The following DZIP3 variants were observed in gnomAD, a reference collection of about 807,000 sequenced individuals.
The protein encoded by DZIP3 is E3 ubiquitin-protein ligase DZIP3.
In DZIP3, 118 loss-of-function variants were observed where a neutral mutation model predicts 162.0. The ratio of observed to expected loss-of-function variants is 0.73; its 90% CI spans 0.63 to 0.85. The LOEUF (loss-of-function observed/expected upper bound fraction) is 0.85, where lower values mean the gene tolerates loss of function less well. Among genes scored for constraint, DZIP3 ranks in the 40% least tolerant of loss-of-function variants. DZIP3 has a pLI of 0.00. For synonymous variants in DZIP3, 438 were observed against 458.6 expected (o/e 0.96, Z 0.57); for missense variants, 1,331 against 1,407.0 (o/e 0.95, Z 0.86).
chr3:108,667,707 T>G (rs1039701213), intron 21 of DZIP3, among the ~76,000 whole-genome samples: 2 of 152,150 alleles, frequency 1.3e-5, no homozygotes, highest in African/African-American at 4.8e-5. Context: ...TTTACAATTA[T>G]CTTGAAATAA....
At chr3:108,684,171 G>A in intron 26 of DZIP3, 45 bp from the exon 27 acceptor site, 1 of 1,531,852 alleles carries the variant, frequency 6.5e-7, no homozygotes, top group Non-Finnish European at 8.8e-7. Context: ...ATATAAATAT[G>A]TGGGGGGGGG....
At chr3:108,608,039 G>A in intron 2 of DZIP3, 50 bp from the exon 3 acceptor site, 2 of 1,452,100 alleles carry the variant, frequency 1.4e-6, no homozygotes, top group South Asian at 2.3e-5. Flanking sequence ...TACAATTTGT[G>A]TTCTTTGTGA....
rs1363093235 is a variant in DZIP3, at chr3:108,649,234, A to C, written c.2007+272A>C. On this transcript the variant is annotated intron_variant, in intron 17 of 32. Transcript: ENST00000361582. ...GAATTAGTCACATGGAAATTTCATT[A>C]ATTTCTACATACCACTTATTTTTAA... Among the ~76,000 whole-genome samples, 10 of 151,890 alleles carry C rather than the reference A, an allele frequency of 6.6e-5. No homozygotes were observed. In the East Asian group the frequency reaches 1.9e-3, roughly 29 times the overall value.
intron 1 of DZIP3, among the ~76,000 whole-genome samples, chr3:108,591,270 C>T (rs1378768044): frequency 6.6e-6 from 1 of 152,182 alleles, no homozygotes; most frequent in Non-Finnish European, 1.5e-5. Context: ...AGGTCCTATA[C>T]GGTCTTGGAG....
intron 21 of DZIP3, among the ~76,000 whole-genome samples, chr3:108,664,830 C>T (rs1360488488): frequency 6.6e-6 from 1 of 152,056 alleles, no homozygotes; most frequent in African/African-American, 2.4e-5. Flanking sequence ...AGCTGGTGCT[C>T]CACTTTCATG....
In DZIP3 at chr3:108,633,031, C is replaced by CG; in HGVS notation, c.776dup (p.Ser260IlefsTer3). 6.7e-7 allele frequency: 1 copy of CG among 1,495,694 alleles called. No homozygotes were observed. The highest frequency in any genetic ancestry group is 1.4e-5 in the African/African-American group (1 of 71,142). 92.7% of individuals were successfully genotyped at this position (1,495,694 alleles called of 1,614,324 possible). A position where few individuals can be genotyped will look rare whatever the true frequency, so the allele number is the denominator to read the frequency against. On this transcript the variant is annotated frameshift_variant, in exon 9 of 33. Coordinates refer to ENST00000361582, the MANE Select transcript of DZIP3 (RefSeq NM_014648.4). LOFTEE classifies it high-confidence loss of function. ...GATTTGTAGTTACCTAGATTGTGAA[C>CG]GATCTTGTGAAGCTGACATTTTGAA... is the stretch of plus-strand genomic sequence containing the variant.
chr3:108,686,101 C>T (rs1944488325), intron 27 of DZIP3, among the ~76,000 whole-genome samples: 1 of 152,088 alleles, frequency 6.6e-6, no homozygotes, highest in African/African-American at 2.4e-5. Context: ...AAACAGCCTT[C>T]ATGTTTTGCT....
chr3:108,649,190 G>A (rs1048442183), intron 17 of DZIP3, among the ~76,000 whole-genome samples: 5 of 151,598 alleles, frequency 3.3e-5, no homozygotes, highest in Admixed American at 1.3e-4. Flanking sequence ...TTATATATTT[G>A]CATATATAAA....
Position 108,672,553 on chromosome 3 carries a change from A to G in DZIP3, c.2493-7A>G, listed in dbSNP as rs777905151. On this transcript the variant is annotated splice_region_variant and splice_polypyrimidine_tract_variant and intron_variant, in intron 22 of 32. Transcript: ENST00000361582. ...TATTGCGAGTCTTTAATGATCATGT[A>G]TTTCAGATCTCAGTGGGAAATGGAA... 1 of 1,609,186 alleles carries G rather than the reference A, an allele frequency of 6.2e-7. No homozygotes were observed. The highest frequency in any genetic ancestry group is 1.7e-5 in the Admixed American group (1 of 59,772).
intron 12 of DZIP3, among the ~76,000 whole-genome samples, chr3:108,641,567 AT>A (rs1203740264): frequency 1.3e-5 from 2 of 152,204 alleles, no homozygotes; most frequent in African/African-American, 4.8e-5. Context: ...TAAAAGTAGA[AT>A]TGCTAGGCCA....
At chr3:108,621,901 A>G (rs1387543054) in intron 5 of DZIP3, among the ~76,000 whole-genome samples, 1 of 152,188 alleles carries the variant, frequency 6.6e-6, no homozygotes, top group Admixed American at 6.5e-5. Flanking sequence ...TGGTACATAT[A>G]CACAGGGGAG....
At chr3:108,664,605 C>T (rs559077503) in intron 21 of DZIP3, among the ~76,000 whole-genome samples, 2 of 152,354 alleles carry the variant, frequency 1.3e-5, no homozygotes, top group South Asian at 4.1e-4. Context: ...CTCCCTCTCA[C>T]TAGGAATTAA....
chr3:108,631,055 A>ACACACACACATACACACTCTCTCTCTCT, intron 8 of DZIP3, among the ~76,000 whole-genome samples: 8 of 18,014 alleles, frequency 4.4e-4, no homozygotes, highest in African/African-American at 2.2e-3. Context: ...ACACACACAC[A>ACACACACACATACACACTCTCTCTCTCT]CTCTCTCTCT....
At chr3:108,624,407 G>T in intron 5 of DZIP3, 37 bp from the exon 6 acceptor site, 1 of 1,198,560 alleles carries the variant, frequency 8.3e-7, no homozygotes, top group Non-Finnish European at 1.2e-6. Context: ...AAGTAGCTTA[G>T]TCTAAATAAC....
In DZIP3 at chr3:108,684,172, T is replaced by G. The variant is rs1176291504; in HGVS notation, c.2884-44T>G. The G allele has an allele frequency of 1.3e-5, 19 of 1,479,930 alleles. No homozygotes were observed. The East Asian group carries it at 3.6e-4, about 28-fold the overall frequency. 91.7% of individuals were successfully genotyped at this position (1,479,930 alleles called of 1,614,324 possible). On this transcript the variant is annotated intron_variant, in intron 26 of 32. Coordinates refer to ENST00000361582, the MANE Select transcript of DZIP3 (RefSeq NM_014648.4). ...TTGCCTAAATAAATATATAAATATG[T>G]GGGGGGGGGTGTTGTTTATTATTGT...
rs138707608 is a variant in DZIP3 at position 108,594,773 on chromosome 3, T to C, written c.-73+4934T>C. On this transcript the variant is annotated intron_variant, in intron 1 of 32. Coordinates refer to ENST00000361582, the MANE Select transcript of DZIP3 (RefSeq NM_014648.4). ...GTTCCTGAAAAGGACATGATCTCGT[T>C]CTTTTTTATGGCTGCATTCCTTAGT... 5.3e-3 allele frequency among the ~76,000 whole-genome samples: 802 copies of C among 152,318 alleles called. 6 individuals carry two copies. The highest frequency in any genetic ancestry group is 0.019 in the African/African-American group (773 of 41,578).
intron 5 of DZIP3, among the ~76,000 whole-genome samples, chr3:108,617,749 G>A (rs1395594482): frequency 6.6e-6 from 1 of 152,142 alleles, no homozygotes; most frequent in Non-Finnish European, 1.5e-5. Context: ...AGAAAATGGG[G>A]GATTTGCATC....
chr3:108,656,274 T>C (rs1943115998), intron 19 of DZIP3, among the ~76,000 whole-genome samples: 1 of 152,122 alleles, frequency 6.6e-6, no homozygotes, highest in Non-Finnish European at 1.5e-5. Context: ...CTCACACGGC[T>C]GGGTACCCCT....
At chr3:108,679,512 T>A (rs1944228349) in intron 26 of DZIP3, among the ~76,000 whole-genome samples, 1 of 152,156 alleles carries the variant, frequency 6.6e-6, no homozygotes. Flanking sequence ...GGGTCACTGC[T>A]GTGCTTGATT....
Sources: allele counts gnomAD v4.1 joint callset (sites outside exome capture counted in the v4.1 genomes callset), GRCh38; gene constraint gnomAD v4.1.1; transcripts MANE v1.5; gene names NCBI Gene and HGNC (gene_info 2026-07-23, HGNC 2026-07-21).